The following SF3B1 variants were observed in gnomAD, a reference collection of about 807,000 sequenced individuals.
The protein encoded by SF3B1 is splicing factor 3b subunit 1.
In SF3B1, 12 loss-of-function variants were observed where a neutral mutation model predicts 153.8. The ratio of observed to expected loss-of-function variants is 0.08; its 90% CI spans 0.05 to 0.13. The LOEUF (loss-of-function observed/expected upper bound fraction) is 0.13, where lower values mean the gene tolerates loss of function less well. Ranked by LOEUF, SF3B1 falls within the 10% of genes least tolerant of loss-of-function variation. The probability of loss-of-function intolerance (pLI) is 1.00; values close to 1 mark genes in which losing one functional copy is unlikely to be tolerated. For missense variants in SF3B1, 513 were observed against 1,606.1 expected (o/e 0.32, Z 11.63); for synonymous variants, 498 against 525.2 (o/e 0.95, Z 0.71).
At position 197,421,086 on chromosome 2, in the gene SF3B1, C is replaced by T; in HGVS notation, c.243G>A (p.Lys81=). ...SSSTSLLGQK[K]PGYHAPVALL... is the part of the protein sequence containing the mutation. ...ATGCCACAGGGGCATGATATCCTGG[C>T]TTCTTCTGACCAAGCAAACTCGTAG... The change falls in exon 3 of 25, where the codon AAG becomes AAA. Residue 81 remains lysine, a synonymous_variant. Coordinates refer to ENST00000335508, the MANE Select transcript of SF3B1 (RefSeq NM_012433.4). The T allele has an allele frequency of 1.2e-6, 2 of 1,613,496 alleles. No homozygotes were observed. The highest frequency in any genetic ancestry group is 1.7e-6 in the Non-Finnish European group (2 of 1,179,738).
intron 1 of SF3B1, among the ~76,000 whole-genome samples, chr2:197,432,626 T>C (rs2085457290): frequency 6.6e-6 from 1 of 152,118 alleles, no homozygotes; most frequent in Non-Finnish European, 1.5e-5. Flanking sequence ...TCCCAGCACT[T>C]TGGGAGGCCA....
At chr2:197,416,595 G>C in intron 6 of SF3B1, 146 bp downstream of exon 6, 1 of 634,066 alleles carries the variant, frequency 1.6e-6, no homozygotes, top group Non-Finnish European at 2.6e-6. Flanking sequence ...TGGATTTCAA[G>C]CCTCCAGAAC....
intron 1 of SF3B1, among the ~76,000 whole-genome samples, chr2:197,425,453 C>T (rs904381433): frequency 2.7e-5 from 4 of 150,280 alleles, no homozygotes; most frequent in African/African-American, 4.9e-5. Flanking sequence ...GCGACAAGAG[C>T]GAAACTCCGT....
chr2:197,403,758 A>G lies in SF3B1; in HGVS notation c.1546T>C (p.Leu516=), dbSNP rs2084959232. 1 of 1,583,196 alleles carries G rather than the reference A, an allele frequency of 6.3e-7. No homozygotes were observed. Among genetic ancestry groups the G allele is most frequent in the African/African-American group, 1.4e-5 (1 of 72,888 alleles). Residue 516 remains leucine, a synonymous_variant, in exon 12 of 25, where the codon TTG becomes CTG. Coordinates refer to ENST00000335508, the MANE Select transcript of SF3B1 (RefSeq NM_012433.4). ...CGAGCTTTATCAGTAATCTGACGCA[A>G]TGCAGCCTGGGAAAAAGAGCAGAGT... The part of the protein sequence containing the change: ...NGTPPMRKAA[L]RQITDKAREF...
chr2:197,395,545 T>C (rs929999831), intron 23 of SF3B1, among the ~76,000 whole-genome samples: 1 of 152,182 alleles, frequency 6.6e-6, no homozygotes, highest in Non-Finnish European at 1.5e-5. Flanking sequence ...TGGTAAAAGG[T>C]ATTAGCAATC....
At chr2:197,416,029 G>C (rs889611241) in intron 6 of SF3B1, among the ~76,000 whole-genome samples, 18 of 138,756 alleles carry the variant, frequency 1.3e-4, no homozygotes, top group African/African-American at 4.9e-4. Flanking sequence ...TGTTGCCCAA[G>C]CTGGTCTCAA....
At position 197,430,118 on chromosome 2, in the gene SF3B1, A is replaced by G. The variant is rs184611797; in HGVS notation, c.28+4854T>C. 3.5e-3 allele frequency among the ~76,000 whole-genome samples: 539 copies of G among 152,350 alleles called. 7 individuals carry two copies. The highest frequency in any genetic ancestry group is 0.012 in the African/African-American group (502 of 41,578). ...CAATGTACTGTGAAATGAAAAAGATATAAGAGAAACCAACCAATCAAAATG... is the reference window on the plus strand; with the variant it reads ...CAATGTACTGTGAAATGAAAAAGATGTAAGAGAAACCAACCAATCAAAATG... On this transcript the variant is annotated intron_variant, in intron 1 of 24. Coordinates refer to ENST00000335508, the MANE Select transcript of SF3B1 (RefSeq NM_012433.4).
chr2:197,400,525 A>G lies in SF3B1; in HGVS notation c.2719-91T>C. 8.4e-7 allele frequency: 1 copy of G among 1,195,138 alleles called. No homozygotes were observed. The highest frequency in any genetic ancestry group is 1.2e-6 in the Non-Finnish European group (1 of 852,904). The allele number at this position is 1,195,138 out of a possible 1,614,324, so 74.0% of individuals were successfully genotyped here. A position where few individuals can be genotyped will look rare whatever the true frequency, so the allele number is the denominator to read the frequency against. ...AAGAGTCAACCTTTTCTAACCACCC[A>G]AACATCTGTTGCTGTTTTTTTACAT... On this transcript the variant is annotated intron_variant, in intron 18 of 24. Coordinates refer to ENST00000335508, the MANE Select transcript of SF3B1 (RefSeq NM_012433.4). This position sits in a 1 kb window ranked among gnomAD's most constrained non-coding sequence, Gnocchi z 5.0.
At chr2:197,396,413 T>G in intron 22 of SF3B1, 85 bp from the exon 23 acceptor site, 1 of 1,138,348 alleles carries the variant, frequency 8.8e-7, no homozygotes, top group Non-Finnish European at 1.2e-6. Flanking sequence ...ATGAAAACTT[T>G]TAAGTATTAA....
rs1008828056 is a variant in SF3B1 at position 197,407,978 on chromosome 2, A to T, written c.1239+20T>A. The T allele has an allele frequency of 6.2e-7, 1 of 1,605,698 alleles. No individual in the cohort carries two copies. Among genetic ancestry groups the T allele is most frequent in the Non-Finnish European group, 8.5e-7 (1 of 1,174,148 alleles). ...AAATGTATATCCTAAATACCACCTCATTCAAATTTGATGTACTACCTTATA... is the reference window on the plus strand; with the variant it reads ...AAATGTATATCCTAAATACCACCTCTTTCAAATTTGATGTACTACCTTATA... On this transcript the variant is annotated intron_variant, in intron 9 of 24. Transcript: ENST00000335508.
chr2:197,399,118 T>G (rs2084909627), intron 20 of SF3B1: 3 of 1,270,916 alleles, frequency 2.4e-6, no homozygotes, highest in Admixed American at 2.8e-5. Flanking sequence ...CTCTCTCCAT[T>G]GCTCTTCCCA....
At chr2:197,423,370 A>C (rs1204089200) in intron 2 of SF3B1, among the ~76,000 whole-genome samples, 10 of 137,814 alleles carry the variant, frequency 7.3e-5, no homozygotes, top group African/African-American at 2.5e-4. Flanking sequence ...AGACTGTCTC[A>C]AAAAAAAAAA....
At chr2:197,425,153 CTCAAATAAATAAATAAATGAA>C (rs1383637307) in intron 1 of SF3B1, among the ~76,000 whole-genome samples, 6 of 151,542 alleles carry the variant, frequency 4.0e-5, no homozygotes, top group African/African-American at 1.2e-4. Flanking sequence ...CAAAACTCAT[CTCAAATAAATAAATAAATGAA>C]TAAAAATTAG....
At chr2:197,415,197 TGA>T (rs2085129210) in intron 6 of SF3B1, among the ~76,000 whole-genome samples, 1 of 150,218 alleles carries the variant, frequency 6.7e-6, no homozygotes, top group Non-Finnish European at 1.5e-5. Flanking sequence ...TGGTACATGA[TGA>T]GAGTCTCCAA....
At chr2:197,416,503 G>A (rs1030021589) in intron 6 of SF3B1, 4 of 402,064 alleles carry the variant, frequency 9.9e-6, no homozygotes, top group Non-Finnish European at 1.8e-5. Context: ...GGACAACAGA[G>A]CTTGCTGGCA....
rs770091892 is a variant in SF3B1, at chr2:197,401,653, T to G, written c.2370+89A>C. On this transcript the variant is annotated intron_variant, in intron 16 of 24. Coordinates refer to ENST00000335508, the MANE Select transcript of SF3B1 (RefSeq NM_012433.4). This position sits in a 1 kb window ranked among gnomAD's most constrained non-coding sequence, Gnocchi z 4.2. ...CAAACAGTATTCGTGTAACATACAG[T>G]TTTTTTTGTTGATTTTTAAAAACAC... The G allele has an allele frequency of 1.0e-4, 150 of 1,482,990 alleles. No individual in the cohort carries two copies. The highest frequency in any genetic ancestry group is 2.2e-4 in the Admixed American group (10 of 46,358). The allele number at this position is 1,482,990 out of a possible 1,614,324, so 91.9% of individuals were successfully genotyped here.
In SF3B1 at chr2:197,401,976, T is replaced by C; in HGVS notation, c.2223+9A>G. The C allele has an allele frequency of 6.2e-7, 1 of 1,608,828 alleles. No individual in the cohort carries two copies. Among genetic ancestry groups the C allele is most frequent in the Admixed American group, 1.7e-5 (1 of 58,454 alleles). ...TGAAGATAAATCAAAAGGTAATTGG[T>C]GGATTTACCTTTCCTCTGTGTTGGC... On this transcript the variant is annotated intron_variant, in intron 15 of 24. Transcript: ENST00000335508. This position sits in a 1 kb window ranked among gnomAD's most constrained non-coding sequence, Gnocchi z 4.2.
rs746951309 is a variant in SF3B1, at chr2:197,402,704, A to G, written c.1929T>C (p.Ser643=). The part of the protein sequence containing the change: ...AVVASALGIP[S]LLPFLKAVCK... ...ACACAGCTTTTAAGAAGGGCAATAA[A>G]GAAGGAATGCCCAGGGCAGAGGCTA... The change falls in exon 14 of 25, where the codon TCT becomes TCC. Residue 643 remains serine, a synonymous_variant. Coordinates refer to ENST00000335508, the MANE Select transcript of SF3B1 (RefSeq NM_012433.4). This position sits in a 1 kb window ranked among gnomAD's most constrained non-coding sequence, Gnocchi z 4.6. The G allele has an allele frequency of 5.0e-6, 8 of 1,614,142 alleles. No individual in the cohort carries two copies. In the East Asian group the frequency reaches 8.9e-5, roughly 18 times the overall value.
upstream of SF3B1, chr2:197,435,054 C>G (rs763852136): frequency 6.2e-6 from 10 of 1,613,326 alleles, no homozygotes; most frequent in Non-Finnish European, 8.5e-6. Flanking sequence ...TTCCGCTCGT[C>G]GCCGCCGCCA....
Sources: allele counts gnomAD v4.1 joint callset (sites outside exome capture counted in the v4.1 genomes callset), GRCh38; gene constraint gnomAD v4.1.1; non-coding constraint Gnocchi (gnomAD v3.1); transcripts MANE v1.5; gene names NCBI Gene and HGNC (gene_info 2026-07-23, HGNC 2026-07-21).